MRM2: variants seen among roughly 807,000 people sequenced by gnomAD.
MRM2 encodes rRNA methyltransferase 2, mitochondrial.
In MRM2, 15 loss-of-function variants were observed where a neutral mutation model predicts 10.9. That is an observed-to-expected ratio of 1.37 (90% CI 0.92 to 2.11). MRM2 has a LOEUF of 2.11. Among genes scored for constraint, MRM2 ranks in the 30% most tolerant of loss-of-function variants. The probability of loss-of-function intolerance (pLI) is 0.00; values close to 1 mark genes in which losing one functional copy is unlikely to be tolerated. For synonymous variants in MRM2, 139 were observed against 128.7 expected (o/e 1.08, Z -0.54); for missense variants, 328 against 321.3 (o/e 1.02, Z -0.16).
At chr7:2,242,104 C>A in intron 1 of MRM2, 58 bp downstream of exon 1, 1 of 1,562,892 alleles carries the variant, frequency 6.4e-7, no homozygotes, top group Non-Finnish European at 8.7e-7. Flanking sequence ...GGAAGGCGAC[C>A]GGGCGGACCC....
rs572644456 is a variant in MRM2 at position 2,240,171 on chromosome 7, G to A, written c.9-464C>T. 9.0e-4 allele frequency: 353 copies of A among 394,318 alleles called. 2 individuals are homozygous for A. The highest frequency in any genetic ancestry group is 6.4e-3 in the African/African-American group (309 of 47,984). 24.4% of individuals were successfully genotyped at this position (394,318 alleles called of 1,614,324 possible). ...CAGGAGGCAGAGGTTGCAGTGAGCCGAGATTGCGCCACTGCACTCCAGCCT... is the reference window on the plus strand; with the variant it reads ...CAGGAGGCAGAGGTTGCAGTGAGCCAAGATTGCGCCACTGCACTCCAGCCT... On this transcript the variant is annotated intron_variant, in intron 1 of 2. Transcript: ENST00000242257.
chr7:2,242,052 C>T, intron 1 of MRM2, 110 bp downstream of exon 1: 2 of 1,186,254 alleles, frequency 1.7e-6, no homozygotes, highest in African/African-American at 1.6e-5. Flanking sequence ...AGTGCGGGGA[C>T]GGTGCCCAGC....
At position 2,235,019 on chromosome 7, in the gene MRM2, C is replaced by T; in HGVS notation, c.*103G>A. On this transcript the variant is annotated 3_prime_UTR_variant, in exon 3 of 3. Transcript: ENST00000242257. Reference sequence around the variant, plus strand: ...AGACTCCCCACTTGTCCTGCTCCATCTCCAAAATCAGCTCAAATCTCCCAG... The same window carrying T: ...AGACTCCCCACTTGTCCTGCTCCATTTCCAAAATCAGCTCAAATCTCCCAG... The T allele has an allele frequency of 2.3e-6, 2 of 862,780 alleles. 1 individual carries two copies. Among genetic ancestry groups the T allele is most frequent in the South Asian group, 3.3e-5 (2 of 60,924 alleles). 53.4% of individuals were successfully genotyped at this position (862,780 alleles called of 1,614,324 possible). A position where few individuals can be genotyped will look rare whatever the true frequency, so the allele number is the denominator to read the frequency against.
In MRM2 at chr7:2,242,179, C is replaced by A. The variant is rs1452815406; in HGVS notation, c.-10G>T. On this transcript the variant is annotated 5_prime_UTR_variant, in exon 1 of 3. Transcript: ENST00000242257. ...CAGCTCACCCCGCCATTGGTGTTCC[C>A]CGCGCCTGCAGCGCGCCGCCGGAAG... 4 of 1,584,202 alleles carry A rather than the reference C, an allele frequency of 2.5e-6. No individual in the cohort carries two copies. The highest frequency in any genetic ancestry group is 3.4e-6 in the Non-Finnish European group (4 of 1,170,286).
rs1584622028 is a variant in MRM2, at chr7:2,234,726, G to A, written c.*396C>T. ...TGCGTGGTGCTCTCAGAGCAGGGGT[G>A]GAAAGCCTGTTTGTGTGTGACAGTT... On this transcript the variant is annotated 3_prime_UTR_variant, in exon 3 of 3. Transcript: ENST00000242257. 1 of 212,304 alleles carries A rather than the reference G, an allele frequency of 4.7e-6. No individual in the cohort carries two copies. 13.2% of individuals were successfully genotyped at this position (212,304 alleles called of 1,614,324 possible).
In MRM2 at chr7:2,239,521, C is replaced by T; in HGVS notation, c.195G>A (p.Glu65=). The T allele has an allele frequency of 6.2e-7, 1 of 1,614,036 alleles. No individual in the cohort carries two copies. The highest frequency in any genetic ancestry group is 1.3e-5 in the African/African-American group (1 of 75,044). The part of the protein sequence containing the change: ...RSAFKLLEVN[E]RHQILRPGLR... ...GGCCGGGCCGCAGAATCTGGTGCCT[C>T]TCGTTCACCTCCAGGAGCTTGAAGG... is the stretch of plus-strand genomic sequence containing the variant. Residue 65 remains glutamate (E), a synonymous_variant, in exon 2 of 3, where the codon GAG becomes GAA. Transcript: ENST00000242257.
chr7:2,241,296 C>A (rs1321548258), intron 1 of MRM2: 1 of 152,320 alleles, frequency 6.6e-6, no homozygotes, highest in Non-Finnish European at 1.5e-5. Flanking sequence ...ACCACCTCAC[C>A]CGGCCATTTT....
Position 2,235,235 on chromosome 7 carries a change from C to T in MRM2, c.628G>A (p.Glu210Lys), listed in dbSNP as rs530410017. 56 of 1,614,086 alleles carry T rather than the reference C, an allele frequency of 3.5e-5. 1 individual carries two copies. In the South Asian group the frequency reaches 5.8e-4, roughly 17 times the overall value. Residue 210 changes from glutamate (E) to lysine (K), a missense_variant, in exon 3 of 3, where the codon GAG (glutamate) becomes AAG (lysine). Physicochemically the swap from Glu to Lys is moderately conservative, Grantham distance 56. Transcript: ENST00000242257. ...ATGATCCTTACATTCTGGAATTCCT[C>T]TGTCAGTCTCCTCTGTAACCGACGG... is the stretch of plus-strand genomic sequence containing the variant. ...QSRRLQRRLTEEFQNVRIIKP... is the reference protein window; with the variant it reads ...QSRRLQRRLTKEFQNVRIIKP...
chr7:2,237,027 T>TTGTGTG (rs368118478), intron 2 of MRM2, among the ~76,000 whole-genome samples: 2 of 151,682 alleles, frequency 1.3e-5, no homozygotes, highest in African/African-American at 4.9e-5. Context: ...TTGTGTGTCT[T>TTGTGTG]TGTGTGTGTG....
chr7:2,236,541 T>G (rs867283562), intron 2 of MRM2, among the ~76,000 whole-genome samples: 2 of 152,078 alleles, frequency 1.3e-5, no homozygotes, highest in Non-Finnish European at 2.9e-5. Context: ...AATATAAAAA[T>G]TAGCTGTAGT....
At chr7:2,240,930 C>T (rs182083705) in intron 1 of MRM2, among the ~76,000 whole-genome samples, 11 of 151,950 alleles carry the variant, frequency 7.2e-5, no homozygotes, top group Admixed American at 3.3e-4. Flanking sequence ...TCCTGACCTC[C>T]GCTGATCTGC....
intron 2 of MRM2, 152 bp from the exon 3 acceptor site, chr7:2,235,716 T>G: frequency 4.8e-6 from 3 of 620,658 alleles, no homozygotes; most frequent in Non-Finnish European, 5.6e-6. Flanking sequence ...GCCTTCTCTA[T>G]CTATACATCC....
rs1047752319 is a variant in MRM2, at chr7:2,235,512, G to A, written c.351C>T (p.Phe117=). The A allele has an allele frequency of 7.4e-6, 12 of 1,613,540 alleles. No individual in the cohort carries two copies. The highest frequency in any genetic ancestry group is 1.0e-5 in the Non-Finnish European group (12 of 1,179,868). ...FVLGVDLLHI[F]PLEGATFLCP... is the part of the protein sequence containing the mutation. The stretch of plus-strand genomic sequence containing the variant: ...ACAGAAAAGTTGCTCCTTCCAGGGG[G>A]AATATGTGAAGAAGATCTACCCCAA... Residue 117 remains phenylalanine (F), a synonymous_variant, in exon 3 of 3, where the codon TTC becomes TTT. Transcript: ENST00000242257.
At position 2,239,654 on chromosome 7, in the gene MRM2, C is replaced by A; in HGVS notation, c.62G>T (p.Gly21Val). ...GCCTGTCCGATTCTTGCAGCGACTC[C>A]CAACAGTGTGGAACCCTTGACGCTG... The part of the protein sequence containing the change: ...SFQRQGFHTV[G>V]SRCKNRTGAE... Residue 21 changes from glycine to valine, a missense_variant, in exon 2 of 3, where the codon GGG (glycine) becomes GTG (valine). Physicochemically the swap from Gly to Val is moderately radical, Grantham distance 109 (BLOSUM62 -3). Transcript: ENST00000242257. The A allele has an allele frequency of 6.2e-7, 1 of 1,614,064 alleles. No homozygotes were observed.
chr7:2,239,438 T>A lies in MRM2; in HGVS notation c.278A>T (p.Lys93Met). ...CCCACCTGTGCCTGCGGCGTTGACC[T>A]TCTGCACCGCCACCTGACTCCAGGC... ...PGAWSQVAVQ[K>M]VNAAGTDPSS... The change falls in exon 2 of 3, where the codon AAG becomes ATG. Residue 93 changes from lysine (K) to methionine (M), a missense_variant. Lys to Met is a moderately conservative substitution (Grantham distance 95). Coordinates refer to ENST00000242257, the MANE Select transcript of MRM2 (RefSeq NM_013393.3). The A allele has an allele frequency of 6.2e-7, 1 of 1,611,040 alleles. No homozygotes were observed. Among genetic ancestry groups the A allele is most frequent in the Middle Eastern group, 1.7e-4 (1 of 5,734 alleles).
intron 2 of MRM2, chr7:2,238,977 TTATATATATATATATATATA>T (rs779018390): frequency 6.4e-5 from 2 of 31,290 alleles, no homozygotes; most frequent in Non-Finnish European, 8.1e-5. Context: ...ACAATAATAA[TTATATATATATATATATATA>T]TATATATATA....
rs11547271 is a variant in MRM2 at position 2,234,855 on chromosome 7, C to T, written c.*267G>A. 0.034 allele frequency: 15,969 copies of T among 472,870 alleles called. 395 individuals are homozygous for T. Among genetic ancestry groups the T allele is most frequent in the South Asian group, 0.058 (2,412 of 41,808 alleles). The allele number at this position is 472,870 out of a possible 1,614,324, so 29.3% of individuals were successfully genotyped here. A position where few individuals can be genotyped will look rare whatever the true frequency, so the allele number is the denominator to read the frequency against. ...TTCCCACAGTCTGTTTTTCTCCATC[C>T]TTCCATCCTCACCTCTTTCTCTTGA... On this transcript the variant is annotated 3_prime_UTR_variant, in exon 3 of 3. Coordinates refer to ENST00000242257, the MANE Select transcript of MRM2 (RefSeq NM_013393.3).
chr7:2,236,677 A>G (rs1002001119), intron 2 of MRM2, among the ~76,000 whole-genome samples: 1 of 152,226 alleles, frequency 6.6e-6, no homozygotes, highest in African/African-American at 2.4e-5. Context: ...TCCAATGTTT[A>G]CACTAGGAAT....
chr7:2,238,980 TATATATATATATATATATATA>T lies in MRM2; in HGVS notation c.298+417_298+437del, dbSNP rs1562401557. 42 of 14,752 alleles carry T rather than the reference TATATATATATATATATATATA, an allele frequency of 2.8e-3. 1 individual carries two copies. Among genetic ancestry groups the T allele is most frequent in the Admixed American group, 0.021 (12 of 582 alleles). 0.9% of individuals were successfully genotyped at this position (14,752 alleles called of 1,614,324 possible). The stretch of plus-strand genomic sequence containing the variant: ...ACAAAAATAATAACAATAATAATTA[TATATATATATATATATATATA>T]TATATATATATATATATATATATAT... On this transcript the variant is annotated intron_variant, in intron 2 of 2. Transcript: ENST00000242257.
Sources: allele counts gnomAD v4.1 joint callset (sites outside exome capture counted in the v4.1 genomes callset), GRCh38; gene constraint gnomAD v4.1.1; transcripts MANE v1.5; gene names NCBI Gene and HGNC (gene_info 2026-07-23, HGNC 2026-07-21).